Variants in PDCD2L observed in about 807,000 individuals in gnomAD.
The protein encoded by PDCD2L is uS5 assembly chaperone PDCD2L.
PDCD2L carries 44 observed loss-of-function variants against 40.4 expected under a neutral mutation model. That is an observed-to-expected ratio of 1.09 (90% CI 0.86 to 1.40). The LOEUF (loss-of-function observed/expected upper bound fraction) is 1.40, where lower values mean the gene tolerates loss of function less well. Among genes scored for constraint, PDCD2L ranks in the 40% most tolerant of loss-of-function variants. The pLI is 0.00. For synonymous variants in PDCD2L, 194 were observed against 174.6 expected, an observed-to-expected ratio of 1.11 and a Z score of -0.88; for missense variants, 470 against 453.7, an observed-to-expected ratio of 1.04 and a Z score of -0.33.
chr19:34,416,970 C>T (rs1301415258), intron 5 of PDCD2L, among the ~76,000 whole-genome samples: 8 of 151,676 alleles, frequency 5.3e-5, no homozygotes, highest in African/African-American at 1.5e-4. Flanking sequence ...AAAAATTAGC[C>T]GGGCGTGGTG....
chr19:34,423,774 G>C (rs949426046), intron 6 of PDCD2L, among the ~76,000 whole-genome samples: 3 of 152,128 alleles, frequency 2.0e-5, no homozygotes, highest in Admixed American at 6.6e-5. Context: ...ACAGGCATGA[G>C]CCACCGCGCC....
chr19:34,410,631 G>A lies in PDCD2L; in HGVS notation c.686+1121G>A, dbSNP rs186715809. Reference sequence around the variant, plus strand: ...ATTACAATAGAATATTTGGAGAAATGGCCTGGTTCTTTACCAGAACTGTTT... The same window carrying A: ...ATTACAATAGAATATTTGGAGAAATAGCCTGGTTCTTTACCAGAACTGTTT... On this transcript the variant is annotated intron_variant, in intron 4 of 6. Transcript: ENST00000246535. Among the ~76,000 whole-genome samples, 16 of 152,096 alleles carry A rather than the reference G, an allele frequency of 1.1e-4. No homozygotes were observed. The East Asian group carries it at 3.1e-3, about 29-fold the overall frequency.
At chr19:34,405,673 G>A (rs942423294) in intron 3 of PDCD2L, among the ~76,000 whole-genome samples, 1 of 151,028 alleles carries the variant, frequency 6.6e-6, no homozygotes, top group Admixed American at 6.6e-5. Context: ...GGCCGAGGCG[G>A]GCGGATCTCC....
chr19:34,405,128 T>C, intron 3 of PDCD2L, 138 bp downstream of exon 3: 1 of 767,436 alleles, frequency 1.3e-6, no homozygotes, highest in African/African-American at 1.8e-5. Flanking sequence ...AACCATAAAA[T>C]GCTATTTTCG....
At chr19:34,407,061 T>C (rs2075079932) in intron 3 of PDCD2L, among the ~76,000 whole-genome samples, 1 of 151,690 alleles carries the variant, frequency 6.6e-6, no homozygotes. Flanking sequence ...GGTCTTGAAC[T>C]CCTGACCTCA....
In PDCD2L at chr19:34,413,460, C is replaced by T. The variant is rs558594290; in HGVS notation, c.687-277C>T. On this transcript the variant is annotated intron_variant, in intron 4 of 6. Transcript: ENST00000246535. ...AAGCGATTTCCTCTGCCTCAGCCTGCTGAGTAGCTGGGACTATAGGCGCAA... is the reference window on the plus strand; with the variant it reads ...AAGCGATTTCCTCTGCCTCAGCCTGTTGAGTAGCTGGGACTATAGGCGCAA... Among the ~76,000 whole-genome samples, 3 of 150,716 alleles carry T rather than the reference C, an allele frequency of 2.0e-5. No homozygotes were observed. The Admixed American group carries it at 2.0e-4, about 10-fold the overall frequency.
At chr19:34,405,829 C>T (rs2075072241) in intron 3 of PDCD2L, among the ~76,000 whole-genome samples, 1 of 152,016 alleles carries the variant, frequency 6.6e-6, no homozygotes, top group South Asian at 2.1e-4. Context: ...TCGCTTGAAC[C>T]CGGGAGACAG....
intron 5 of PDCD2L, among the ~76,000 whole-genome samples, chr19:34,416,887 G>A (rs1183894503): frequency 2.0e-5 from 3 of 151,912 alleles, no homozygotes; most frequent in South Asian, 2.1e-4. Flanking sequence ...AGGCCGAGGC[G>A]GGTGGATCAC....
At chr19:34,423,713 T>C (rs1336018673) in intron 6 of PDCD2L, among the ~76,000 whole-genome samples, 3 of 151,678 alleles carry the variant, frequency 2.0e-5, no homozygotes, top group East Asian at 1.9e-4. Flanking sequence ...GGTCTTGAAC[T>C]CCTGACCTCA....
chr19:34,422,701 A>C (rs1410398229), intron 6 of PDCD2L, among the ~76,000 whole-genome samples: 1 of 151,510 alleles, frequency 6.6e-6, no homozygotes, highest in East Asian at 1.9e-4. Flanking sequence ...TGAAGCAGTT[A>C]CTGGATTTTT....
Position 34,413,790 on chromosome 19 carries a change from A to T in PDCD2L, c.740A>T (p.Asp247Val), listed in dbSNP as rs2075114966. The change falls in exon 5 of 7, where the codon GAT becomes GTT. Residue 247 changes from aspartate (D) to valine (V), a missense_variant. By Grantham distance (152) the Asp-to-Val change is radical. Transcript: ENST00000246535. ...KYEKTIIKSG[D>V]QTFYKFMKRI... ...GAGAAGACCATAATTAAAAGTGGAGATCAGACGTTTTACAAATTCATGAAG... is the reference window on the plus strand; with the variant it reads ...GAGAAGACCATAATTAAAAGTGGAGTTCAGACGTTTTACAAATTCATGAAG... 26 of 1,609,224 alleles carry T rather than the reference A, an allele frequency of 1.6e-5. No individual in the cohort carries two copies. The East Asian group carries it at 5.8e-4, about 36-fold the overall frequency.
intron 1 of PDCD2L, 23 bp downstream of exon 1, chr19:34,404,561 G>T (rs773676289): frequency 1.3e-6 from 2 of 1,562,386 alleles, no homozygotes; most frequent in South Asian, 1.2e-5. Context: ...GCCGGAGCTG[G>T]GGTCGATGGG....
In PDCD2L at chr19:34,413,736, G is replaced by A. The variant is rs751068565; in HGVS notation, c.687-1G>A. ...AAAGTGTTTTCTGCTTCTGTTTTTA[G>A]CCTTCCTAATGATGGTGATGAAAAA... On this transcript the variant is annotated splice_acceptor_variant, in intron 4 of 6. Transcript: ENST00000246535. LOFTEE classifies it high-confidence loss of function. 14 of 1,522,102 alleles carry A rather than the reference G, an allele frequency of 9.2e-6. No homozygotes were observed. Among genetic ancestry groups the A allele is most frequent in the Non-Finnish European group, 1.3e-5 (14 of 1,104,780 alleles). The allele number at this position is 1,522,102 out of a possible 1,614,324, so 94.3% of individuals were successfully genotyped here. A position where few individuals can be genotyped will look rare whatever the true frequency, so the allele number is the denominator to read the frequency against.
intron 6 of PDCD2L, among the ~76,000 whole-genome samples, chr19:34,423,529 CTG>C (rs1156302769): frequency 1.6e-5 from 2 of 121,356 alleles, no homozygotes; most frequent in Admixed American, 1.9e-4. Context: ...GAGCCTCACT[CTG>C]TCGCCCAGCC....
In PDCD2L at chr19:34,413,843, T is replaced by C; in HGVS notation, c.793T>C (p.Leu265=). Residue 265 remains leucine, a synonymous_variant, in exon 5 of 7, where the codon TTG becomes CTG. Coordinates refer to ENST00000246535, the MANE Select transcript of PDCD2L (RefSeq NM_032346.2). ...KRIAACQEQI[L]RYSWSGEPLF... ...AATTGCTGCTTGTCAGGAGCAGATT[T>C]TGAGGTAAAAAAAGGCACAGTTCCT... 6.4e-7 allele frequency: 1 copy of C among 1,574,152 alleles called. No individual in the cohort carries two copies. The highest frequency in any genetic ancestry group is 8.7e-7 in the Non-Finnish European group (1 of 1,148,644).
intron 5 of PDCD2L, among the ~76,000 whole-genome samples, chr19:34,420,100 G>A (rs531839373): frequency 1.7e-3 from 256 of 151,956 alleles, no homozygotes; most frequent in Non-Finnish European, 2.6e-3. Context: ...TTCTGCAGCC[G>A]CGGCCTCAGC....
At chr19:34,415,260 A>C (rs1306604959) in intron 5 of PDCD2L, among the ~76,000 whole-genome samples, 2 of 152,012 alleles carry the variant, frequency 1.3e-5, no homozygotes, top group African/African-American at 4.8e-5. Flanking sequence ...CTAGGATTAC[A>C]GCGCCACCAC....
At chr19:34,419,176 T>C (rs79241723) in intron 5 of PDCD2L, among the ~76,000 whole-genome samples, 1 of 152,098 alleles carries the variant, frequency 6.6e-6, no homozygotes, top group Non-Finnish European at 1.5e-5. Flanking sequence ...GTTTTTTTTT[T>C]CTTGAGACGG....
At chr19:34,424,882 T>A (rs1197593048) in intron 6 of PDCD2L, among the ~76,000 whole-genome samples, 1 of 151,738 alleles carries the variant, frequency 6.6e-6, no homozygotes, top group African/African-American at 2.4e-5. Flanking sequence ...GTAGCTGGGA[T>A]TACAGGTGCC....
Sources: gnomAD v4.1 joint callset for allele counts (sites outside exome capture counted in the v4.1 genomes callset) on GRCh38, gnomAD v4.1.1 for gene constraint, MANE v1.5 for transcripts, NCBI Gene and HGNC (gene_info 2026-07-23, HGNC 2026-07-21) for gene names.